Variants in LCP1 observed in about 807,000 individuals in gnomAD.
LCP1 encodes the protein plastin-2.
In LCP1, 23 loss-of-function variants were observed where a neutral mutation model predicts 72.0. That is an observed-to-expected ratio of 0.32 (90% CI 0.23 to 0.45). LCP1 has a LOEUF of 0.45. LCP1 is among the 20% of genes least tolerant of loss of function. The pLI is 1.00. For missense variants in LCP1, 571 were observed against 748.3 expected (o/e 0.76, Z 2.76); for synonymous variants, 245 against 275.4 (o/e 0.89, Z 1.09).
At chr13:46,170,811 C>G (rs145676893) in intron 1 of LCP1, among the ~76,000 whole-genome samples, 140 of 152,212 alleles carry the variant, frequency 9.2e-4, no homozygotes, top group African/African-American at 3.3e-3. Flanking sequence ...TGGCTTTGGC[C>G]TGTTGAGTAG....
chr13:46,165,628 T>C (rs1365077152), intron 1 of LCP1, among the ~76,000 whole-genome samples: 1 of 152,192 alleles, frequency 6.6e-6, no homozygotes, highest in African/African-American at 2.4e-5. Context: ...AGTGAGTGGT[T>C]TCTTCAGCTC....
intron 1 of LCP1, among the ~76,000 whole-genome samples, chr13:46,162,113 G>T (rs548927408): frequency 6.6e-6 from 1 of 152,214 alleles, no homozygotes; most frequent in Non-Finnish European, 1.5e-5. Flanking sequence ...CAGCTGGGTG[G>T]AGAAGCAGCC....
intron 15 of LCP1, among the ~76,000 whole-genome samples, chr13:46,128,793 A>G (rs992577605): frequency 1.3e-5 from 2 of 152,156 alleles, no homozygotes; most frequent in Non-Finnish European, 2.9e-5. Context: ...ATATGAAGAT[A>G]AATTTCATTA....
At chr13:46,138,029 A>T (rs4942489) in intron 13 of LCP1, among the ~76,000 whole-genome samples, 43,270 of 152,058 alleles carry the variant, frequency 0.28, 7,181 homozygotes, top group African/African-American at 0.45. Flanking sequence ...GAGTTTCCTA[A>T]TTGTCTGCTT....
intron 8 of LCP1, 145 bp downstream of exon 8, chr13:46,150,791 A>G: frequency 1.2e-6 from 1 of 846,788 alleles, no homozygotes; most frequent in Non-Finnish European, 1.8e-6. Flanking sequence ...TGGGCTCTCA[A>G]GGACAGTGAG....
intron 10 of LCP1, 63 bp from the exon 11 acceptor site, chr13:46,144,583 A>T: frequency 9.1e-7 from 1 of 1,098,798 alleles, no homozygotes; most frequent in Non-Finnish European, 1.4e-6. Flanking sequence ...TTATGACCAA[A>T]GTTTAACTAA....
At chr13:46,155,133 C>G (rs2045792842) in intron 5 of LCP1, among the ~76,000 whole-genome samples, 1 of 152,186 alleles carries the variant, frequency 6.6e-6, no homozygotes, top group Admixed American at 6.5e-5. Context: ...CCCACCTAAA[C>G]AGCTGCAAAA....
chr13:46,159,681 A>T lies in LCP1; in HGVS notation c.-19T>A. The T allele has an allele frequency of 1.3e-6, 2 of 1,597,518 alleles. No individual in the cohort carries two copies. Among genetic ancestry groups the T allele is most frequent in the Non-Finnish European group, 1.7e-6 (2 of 1,164,984 alleles). ...TGGCCATTTTTTATTGCTTTAGGTA[A>T]CAGATCTGGAGAGAAGAAGAACATA... On this transcript the variant is annotated 5_prime_UTR_variant, in exon 2 of 16. Transcript: ENST00000323076.
chr13:46,151,206 C>T, intron 7 of LCP1, 128 bp from the exon 8 acceptor site: 1 of 806,498 alleles, frequency 1.2e-6, no homozygotes, highest in Non-Finnish European at 1.9e-6. Context: ...GGTAAAGGTT[C>T]TTGTAGCCTT....
rs1334329351 is a variant in LCP1 at position 46,147,183 on chromosome 13, G to C, written c.979-80C>G. 5.0e-6 allele frequency: 6 copies of C among 1,208,978 alleles called. No individual in the cohort carries two copies. The East Asian group carries it at 1.6e-4, about 31-fold the overall frequency. The allele number at this position is 1,208,978 out of a possible 1,614,324, so 74.9% of individuals were successfully genotyped here. On this transcript the variant is annotated intron_variant, in intron 9 of 15. Transcript: ENST00000323076. ...AGATTGCATAATGTGAAAAGAAATGGGAATCTCACTGAAATCATTAGTGTT... is the reference window on the plus strand; with the variant it reads ...AGATTGCATAATGTGAAAAGAAATGCGAATCTCACTGAAATCATTAGTGTT...
chr13:46,141,496 G>GA (rs1352685441), intron 13 of LCP1, among the ~76,000 whole-genome samples: 2 of 147,952 alleles, frequency 1.4e-5, no homozygotes, highest in Non-Finnish European at 3.0e-5. Context: ...AAATAAGCCA[G>GA]AAAAGAAATA....
At chr13:46,181,456 C>T (rs1210072620) in intron 1 of LCP1, among the ~76,000 whole-genome samples, 1 of 152,160 alleles carries the variant, frequency 6.6e-6, no homozygotes, top group African/African-American at 2.4e-5. Context: ...GACAATCCTA[C>T]AAAAACACTA....
chr13:46,130,119 G>C (rs1221817392), intron 15 of LCP1, among the ~76,000 whole-genome samples: 1 of 152,204 alleles, frequency 6.6e-6, no homozygotes, highest in Non-Finnish European at 1.5e-5. Context: ...AGTTTGTGCA[G>C]TACTTCGTTG....
chr13:46,152,331 A>C, intron 7 of LCP1, among the ~76,000 whole-genome samples: 1 of 152,144 alleles, frequency 6.6e-6, no homozygotes, highest in East Asian at 1.9e-4. Flanking sequence ...ATATAATTGC[A>C]ACCTTGAACC....
chr13:46,144,294 A>G (rs2045716538), intron 11 of LCP1, 148 bp downstream of exon 11: 1 of 617,972 alleles, frequency 1.6e-6, no homozygotes, highest in Non-Finnish European at 2.9e-6. Flanking sequence ...TGAATATCCA[A>G]CATCTGAAGC....
chr13:46,145,333 G>C (rs1267290758), intron 10 of LCP1, among the ~76,000 whole-genome samples: 2 of 152,154 alleles, frequency 1.3e-5, no homozygotes, highest in Non-Finnish European at 2.9e-5. Context: ...AATTAAACAC[G>C]GCAGAGGACA....
At chr13:46,174,825 C>A (rs2045920375) in intron 1 of LCP1, among the ~76,000 whole-genome samples, 1 of 133,926 alleles carries the variant, frequency 7.5e-6, no homozygotes. Flanking sequence ...AGAGCGAAAA[C>A]TCCATCTTCA....
chr13:46,159,044 G>T lies in LCP1; in HGVS notation c.65-55C>A, dbSNP rs1422385963. The T allele has an allele frequency of 1.9e-6, 3 of 1,548,652 alleles. No homozygotes were observed. The African/African-American group carries it at 4.1e-5, about 21-fold the overall frequency. The stretch of plus-strand genomic sequence containing the variant: ...AGGACGATTCAGGCAACAGCTTTTA[G>T]AGAGGTGAGGGAAGACTAGATGGAA... On this transcript the variant is annotated intron_variant, in intron 2 of 15. Transcript: ENST00000323076.
At position 46,125,928 on chromosome 13, in the gene LCP1, G is replaced by A. The variant is rs546583472; in HGVS notation, c.*1663C>T. 1 of 183,264 alleles carries A rather than the reference G, an allele frequency of 5.5e-6. No individual in the cohort carries two copies. The highest frequency in any genetic ancestry group is 1.2e-5 in the Non-Finnish European group (1 of 86,012). 11.4% of individuals were successfully genotyped at this position (183,264 alleles called of 1,614,324 possible). A position where few individuals can be genotyped will look rare whatever the true frequency, so the allele number is the denominator to read the frequency against. ...AAACATCCAGAGACACCTAATATAGGGAACATTTTATTTGGAAAGATTTTG... is the reference window on the plus strand; with the variant it reads ...AAACATCCAGAGACACCTAATATAGAGAACATTTTATTTGGAAAGATTTTG... On this transcript the variant is annotated 3_prime_UTR_variant, in exon 16 of 16. Transcript: ENST00000323076.
Sources: allele counts gnomAD v4.1 joint callset (sites outside exome capture counted in the v4.1 genomes callset), GRCh38; gene constraint gnomAD v4.1.1; transcripts MANE v1.5; gene names NCBI Gene and HGNC (gene_info 2026-07-23, HGNC 2026-07-21).